ROBO1: variants seen among roughly 807,000 people sequenced by gnomAD.
ROBO1 encodes the protein roundabout homolog 1.
In ROBO1, 149 loss-of-function variants were observed where a neutral mutation model predicts 195.9. That is an observed-to-expected ratio of 0.76 (90% confidence interval 0.67 to 0.87). The LOEUF (loss-of-function observed/expected upper bound fraction) is 0.87, where lower values mean the gene tolerates loss of function less well. ROBO1 is among the 40% of genes least tolerant of loss of function. The pLI is 0.00. For synonymous variants in ROBO1, 816 were observed against 733.2 expected (o/e 1.11, Z -1.82); for missense variants, 1,933 against 2,068.3 (o/e 0.93, Z 1.27).
At chr3:79,203,418 G>T (rs2081805690) in intron 2 of ROBO1, among the ~76,000 whole-genome samples, 1 of 152,116 alleles carries the variant, frequency 6.6e-6, no homozygotes, top group South Asian at 2.1e-4. Flanking sequence ...AGAAATCAAA[G>T]AGAACTTTCC....
intron 2 of ROBO1, among the ~76,000 whole-genome samples, chr3:79,223,822 C>T (rs1410855253): frequency 6.6e-6 from 1 of 152,112 alleles, no homozygotes; most frequent in Non-Finnish European, 1.5e-5. Context: ...TAATGTCAGT[C>T]GGTCTTACGT....
At chr3:78,958,487 T>C (rs1197316664) in intron 3 of ROBO1, among the ~76,000 whole-genome samples, 3 of 152,198 alleles carry the variant, frequency 2.0e-5, no homozygotes, top group Non-Finnish European at 4.4e-5. Context: ...TTTGATGTGT[T>C]TGAGAATTAG....
At chr3:79,739,433 A>C (rs891633063) in intron 1 of ROBO1, among the ~76,000 whole-genome samples, 4 of 152,174 alleles carry the variant, frequency 2.6e-5, no homozygotes, top group African/African-American at 9.6e-5. Context: ...TTTCCTTATA[A>C]GTGGTCTGGG....
intron 9 of ROBO1, among the ~76,000 whole-genome samples, chr3:78,687,495 A>C (rs2081077391): frequency 6.6e-6 from 1 of 152,232 alleles, no homozygotes. Context: ...TTATAAGAGC[A>C]CATTAGAAGC....
At chr3:78,627,827 T>C (rs1704911543) in intron 25 of ROBO1, among the ~76,000 whole-genome samples, 1 of 152,322 alleles carries the variant, frequency 6.6e-6, no homozygotes, top group East Asian at 1.9e-4. Flanking sequence ...TCACTTAACA[T>C]GGCTTAATTT....
intron 3 of ROBO1, among the ~76,000 whole-genome samples, chr3:79,002,289 C>T (rs1171918681): frequency 6.6e-6 from 1 of 152,064 alleles, no homozygotes; most frequent in East Asian, 1.9e-4. Context: ...GTCATGGAAC[C>T]TACACCTCTC....
chr3:78,979,777 G>A (rs2076953713), intron 3 of ROBO1, among the ~76,000 whole-genome samples: 1 of 151,812 alleles, frequency 6.6e-6, no homozygotes, highest in East Asian at 1.9e-4. Flanking sequence ...GGGGAAGTGA[G>A]AGAAGACAGG....
intron 2 of ROBO1, among the ~76,000 whole-genome samples, chr3:79,518,658 C>A (rs998700026): frequency 6.6e-6 from 1 of 151,822 alleles, no homozygotes; most frequent in Non-Finnish European, 1.5e-5. Flanking sequence ...AGATAATAAA[C>A]ATTCTCCAAA....
chr3:79,297,194 A>T (rs1413790110), intron 2 of ROBO1, among the ~76,000 whole-genome samples: 1 of 152,188 alleles, frequency 6.6e-6, no homozygotes, highest in African/African-American at 2.4e-5. Flanking sequence ...TGCATAAAGT[A>T]TAAACATTCA....
At chr3:79,601,957 T>C (rs1944351907) in intron 1 of ROBO1, among the ~76,000 whole-genome samples, 1 of 151,990 alleles carries the variant, frequency 6.6e-6, no homozygotes, top group Non-Finnish European at 1.5e-5. Context: ...AGTGTCTGAA[T>C]AACTATGTTT....
chr3:79,366,767 T>A (rs2035993897), intron 2 of ROBO1, among the ~76,000 whole-genome samples: 1 of 152,188 alleles, frequency 6.6e-6, no homozygotes, highest in African/African-American at 2.4e-5. Context: ...CGACGTTCAC[T>A]TCCCTGAAGA....
intron 2 of ROBO1, among the ~76,000 whole-genome samples, chr3:79,370,298 C>T (rs1254887370): frequency 3.3e-5 from 5 of 151,898 alleles, no homozygotes; most frequent in Non-Finnish European, 5.9e-5. Flanking sequence ...GCGGAGGTTG[C>T]AGTAAACTGA....
chr3:78,627,256 G>T (rs1389445635), intron 26 of ROBO1, 65 bp downstream of exon 26: 2 of 1,531,408 alleles, frequency 1.3e-6, no homozygotes, highest in Non-Finnish European at 8.9e-7. Context: ...GATAGCATTT[G>T]GTAACTTCCA....
intron 4 of ROBO1, among the ~76,000 whole-genome samples, chr3:78,876,745 G>T (rs1043449724): frequency 6.6e-6 from 1 of 152,106 alleles, no homozygotes; most frequent in African/African-American, 2.4e-5. Context: ...TAGTCTATAG[G>T]AATACATCCT....
At chr3:79,340,286 G>T (rs2034856695) in intron 2 of ROBO1, among the ~76,000 whole-genome samples, 1 of 152,114 alleles carries the variant, frequency 6.6e-6, no homozygotes, top group Admixed American at 6.6e-5. Context: ...TTATACCATT[G>T]CAATCTTCCC....
chr3:79,206,910 T>A (rs933294373), intron 2 of ROBO1, among the ~76,000 whole-genome samples: 1 of 152,178 alleles, frequency 6.6e-6, no homozygotes, highest in Non-Finnish European at 1.5e-5. Flanking sequence ...TCATAAAATA[T>A]GTTACAATTT....
intron 2 of ROBO1, among the ~76,000 whole-genome samples, chr3:79,487,279 A>T (rs1939212468): frequency 7.1e-6 from 1 of 140,164 alleles, no homozygotes; most frequent in Admixed American, 7.2e-5. Context: ...TAGAGTGAAA[A>T]TTATTTTTTC....
In ROBO1 at chr3:79,266,171, T is replaced by C. The variant is rs552328382; in HGVS notation, c.89-140632A>G. Among the ~76,000 whole-genome samples, 10 of 151,772 alleles carry C rather than the reference T, an allele frequency of 6.6e-5. No homozygotes were observed. In the South Asian group the frequency reaches 1.9e-3, roughly 28 times the overall value. The stretch of plus-strand genomic sequence containing the variant: ...GAAGATTCCCACACACATCTGCTTT[T>C]TTCCACAGATATTCTTTAAGATGAT... On this transcript the variant is annotated intron_variant, in intron 2 of 30. Transcript: ENST00000464233.
chr3:79,582,195 T>G (rs2107792124), intron 2 of ROBO1, among the ~76,000 whole-genome samples: 1 of 151,894 alleles, frequency 6.6e-6, no homozygotes, highest in Admixed American at 6.6e-5. Context: ...CTAATATAAT[T>G]TATAATCTAT....
Sources: allele counts gnomAD v4.1 joint callset (sites outside exome capture counted in the v4.1 genomes callset), GRCh38; gene constraint gnomAD v4.1.1; transcripts MANE v1.5; gene names NCBI Gene and HGNC (gene_info 2026-07-23, HGNC 2026-07-21).